The following GALNT13 variants were observed in gnomAD, a reference collection of about 807,000 sequenced individuals.
GALNT13 encodes the protein UDP-GalNAc:polypeptide N-acetylgalactosaminyltransferase 13.
Under a neutral mutation model 64.2 loss-of-function variants are expected in GALNT13, and 28 were observed. The observed-to-expected ratio is 0.44, with a 90% CI of 0.32 to 0.60. GALNT13 has a LOEUF of 0.60. GALNT13 is among the 20% of genes least tolerant of loss of function. GALNT13 has a pLI of 0.05. For synonymous variants in GALNT13, 214 were observed against 224.6 expected, an observed-to-expected ratio of 0.95 and a Z score of 0.42; for missense variants, 577 against 669.8, an observed-to-expected ratio of 0.86 and a Z score of 1.53.
the GALNT13 span, among the ~76,000 whole-genome samples, chr2:153,538,358 TTTTATTTTA>T: frequency 3.4e-5 from 4 of 119,164 alleles, no homozygotes; most frequent in Admixed American, 9.4e-5. Flanking sequence ...TTTTATTTAT[TTTTATTTTA>T]TTTATTTTAT....
the GALNT13 span, among the ~76,000 whole-genome samples, chr2:153,639,036 ATTGTTTTGTT>A: frequency 0.2 from 30,200 of 148,570 alleles, 3,509 homozygotes; most frequent in Non-Finnish European, 0.25. Context: ...TAGTTGGAGA[ATTGTTTTGTT>A]TTGTTTTGTT....
the GALNT13 span, among the ~76,000 whole-genome samples, chr2:153,125,947 A>T: frequency 6.6e-6 from 1 of 152,166 alleles, no homozygotes; most frequent in African/African-American, 2.4e-5. Context: ...TGGAGAAAAA[A>T]GAAAAAATTA....
the GALNT13 span, among the ~76,000 whole-genome samples, chr2:153,728,610 C>G: frequency 6.6e-6 from 1 of 151,960 alleles, no homozygotes; most frequent in Non-Finnish European, 1.5e-5. Context: ...AAAACAAATC[C>G]AAAAGCTAGC....
At chr2:154,322,549 A>G (rs540538506) in intron 9 of GALNT13, among the ~76,000 whole-genome samples, 2 of 152,112 alleles carry the variant, frequency 1.3e-5, no homozygotes, top group East Asian at 3.9e-4. Context: ...AAGGCGTCTG[A>G]CTCAGAGTGG....
the GALNT13 span, among the ~76,000 whole-genome samples, chr2:153,849,686 T>C: frequency 2.6e-5 from 4 of 151,980 alleles, no homozygotes; most frequent in Admixed American, 6.6e-5. Flanking sequence ...CCTCCCTGAA[T>C]AGAGGAGACA....
the GALNT13 span, among the ~76,000 whole-genome samples, chr2:153,141,935 A>G: frequency 6.6e-6 from 1 of 152,076 alleles, no homozygotes; most frequent in African/African-American, 2.4e-5. Flanking sequence ...CAATAAATTA[A>G]TGAACCAAAA....
the GALNT13 span, among the ~76,000 whole-genome samples, chr2:153,680,550 A>G: frequency 6.6e-6 from 1 of 151,924 alleles, no homozygotes; most frequent in African/African-American, 2.4e-5. Context: ...AAACTTGCAC[A>G]AACATATATA....
At chr2:153,849,513 T>C in the GALNT13 span, among the ~76,000 whole-genome samples, 3 of 152,230 alleles carry the variant, frequency 2.0e-5, no homozygotes, top group Non-Finnish European at 1.5e-5. Context: ...ATAATGATTA[T>C]TGGTCAATGG....
intron 3 of GALNT13, among the ~76,000 whole-genome samples, chr2:154,006,720 C>T (rs755106150): frequency 9.9e-5 from 15 of 152,104 alleles, no homozygotes; most frequent in South Asian, 2.1e-4. Flanking sequence ...TCAATTTGCA[C>T]GTGAAAATTA....
chr2:153,443,281 G>A, the GALNT13 span, among the ~76,000 whole-genome samples: 1 of 152,136 alleles, frequency 6.6e-6, no homozygotes. Flanking sequence ...GTCCCTCACA[G>A]CTTCCGTTGG....
At chr2:153,174,849 T>C in the GALNT13 span, among the ~76,000 whole-genome samples, 1 of 152,174 alleles carries the variant, frequency 6.6e-6, no homozygotes, top group Non-Finnish European at 1.5e-5. Context: ...CAATGCAGGC[T>C]TTCTCTACCA....
chr2:153,124,615 C>T, the GALNT13 span, among the ~76,000 whole-genome samples: 1 of 152,158 alleles, frequency 6.6e-6, no homozygotes, highest in Non-Finnish European at 1.5e-5. Flanking sequence ...AAGCGATTCG[C>T]CTGCCTCAGC....
intron 3 of GALNT13, among the ~76,000 whole-genome samples, chr2:154,039,297 G>A (rs1698849087): frequency 2.0e-5 from 2 of 99,280 alleles, no homozygotes; most frequent in East Asian, 2.5e-4. Context: ...AGATCAAAGA[G>A]TTATCTTTAC....
At chr2:153,434,563 C>T in the GALNT13 span, among the ~76,000 whole-genome samples, 9,644 of 152,186 alleles carry the variant, frequency 0.063, 343 homozygotes, top group South Asian at 0.14. Context: ...TTTTGATTTG[C>T]ATTTCTCTGA....
chr2:153,681,825 T>C, the GALNT13 span, among the ~76,000 whole-genome samples: 1 of 151,802 alleles, frequency 6.6e-6, no homozygotes, highest in Non-Finnish European at 1.5e-5. Flanking sequence ...GCGTTGAGTT[T>C]TGCTACACAA....
At chr2:153,960,230 G>T (rs747879890) in intron 3 of GALNT13, among the ~76,000 whole-genome samples, 10 of 152,190 alleles carry the variant, frequency 6.6e-5, no homozygotes, top group Non-Finnish European at 1.0e-4. Context: ...CCTGCCAATT[G>T]CTGCTTCACT....
chr2:153,543,611 CTTT>C, the GALNT13 span, among the ~76,000 whole-genome samples: 1 of 152,008 alleles, frequency 6.6e-6, no homozygotes, highest in East Asian at 1.9e-4. Flanking sequence ...TGAACTGAGC[CTTT>C]TTTTCTTGGT....
intron 3 of GALNT13, among the ~76,000 whole-genome samples, chr2:154,022,031 C>G (rs1244015968): frequency 6.6e-6 from 1 of 152,090 alleles, no homozygotes; most frequent in African/African-American, 2.4e-5. Flanking sequence ...GTTGAACCAG[C>G]CTTGCATCCC....
At chr2:154,323,047 A>G (rs781543902) in intron 9 of GALNT13, among the ~76,000 whole-genome samples, 3 of 152,018 alleles carry the variant, frequency 2.0e-5, no homozygotes, top group Admixed American at 2.0e-4. Context: ...AGGGGCCTAC[A>G]CAGGAGCACA....
Sources: gnomAD v4.1 joint callset for allele counts (sites outside exome capture counted in the v4.1 genomes callset) on GRCh38, gnomAD v4.1.1 for gene constraint, MANE v1.5 for transcripts, NCBI Gene and HGNC (gene_info 2026-07-23, HGNC 2026-07-21) for gene names.